PCDHGB4: variants seen among roughly 807,000 people sequenced by gnomAD.
PCDHGB4 encodes the protein protocadherin gamma subfamily B, 4.
In PCDHGB4, 38 loss-of-function variants were observed where a neutral mutation model predicts 60.5. The ratio of observed to expected loss-of-function variants is 0.63; its 90% CI spans 0.48 to 0.82. The LOEUF is 0.82. Among genes scored for constraint, PCDHGB4 ranks in the 40% least tolerant of loss-of-function variants. The probability of loss-of-function intolerance (pLI) is 0.00; values close to 1 mark genes in which losing one functional copy is unlikely to be tolerated. For synonymous variants in PCDHGB4, 456 were observed against 509.7 expected (o/e 0.89, Z 1.42); for missense variants, 1,109 against 1,209.6 (o/e 0.92, Z 1.23).
chr5:141,393,727 A>C, intron 1 of PCDHGB4: 1 of 1,613,852 alleles, frequency 6.2e-7, no homozygotes, highest in Non-Finnish European at 8.5e-7. Flanking sequence ...TCAATAGCAA[A>C]AAGTCTAGAT....
chr5:141,413,286 C>G, intron 1 of PCDHGB4: 1 of 1,613,968 alleles, frequency 6.2e-7, no homozygotes, highest in Non-Finnish European at 8.5e-7. Flanking sequence ...AGATCTCCTA[C>G]TCAATTCCTG....
At chr5:141,453,370 G>A (rs969698165) in intron 1 of PCDHGB4, among the ~76,000 whole-genome samples, 1 of 152,046 alleles carries the variant, frequency 6.6e-6, no homozygotes, top group Non-Finnish European at 1.5e-5. Context: ...CTGGGGTCAA[G>A]TGATCCTCCT....
At chr5:141,394,285 T>C (rs1463926417) in intron 1 of PCDHGB4, 2 of 1,613,942 alleles carry the variant, frequency 1.2e-6, no homozygotes, top group Admixed American at 1.7e-5. Context: ...ACTTACTCTG[T>C]GACCGAGGAC....
At chr5:141,418,935 A>T (rs1424307952) in intron 1 of PCDHGB4, 2 of 1,613,834 alleles carry the variant, frequency 1.2e-6, no homozygotes, top group Admixed American at 3.3e-5. Context: ...ATTATGGAGG[A>T]TTCCCCTCCA....
intron 1 of PCDHGB4, chr5:141,410,847 G>GTTTTTT (rs773839667): frequency 6.3e-5 from 10 of 158,328 alleles, no homozygotes; most frequent in Admixed American, 1.8e-4. Flanking sequence ...TTTTGTCTTT[G>GTTTTTT]TCTTTTTTTT....
intron 1 of PCDHGB4, among the ~76,000 whole-genome samples, chr5:141,449,869 T>G (rs1003364964): frequency 6.6e-6 from 1 of 151,924 alleles, no homozygotes; most frequent in African/African-American, 2.4e-5. Flanking sequence ...ATCAGAAAAT[T>G]TAACATCAAT....
Position 141,486,178 on chromosome 5 carries a change from C to T in PCDHGB4, c.2398-8629C>T, listed in dbSNP as rs767840363. The T allele has an allele frequency of 1.1e-5, 17 of 1,614,076 alleles. No homozygotes were observed. The highest frequency in any genetic ancestry group is 1.4e-5 in the Non-Finnish European group (16 of 1,180,038). ...CTCCAGCCATGGAGCAACATTGCAG[C>T]CTTCGAGTGGATCTGCTGGACGTAA... On this transcript the variant is annotated intron_variant, in intron 1 of 3. Coordinates refer to ENST00000519479, the MANE Select transcript of PCDHGB4 (RefSeq NM_003736.4). The surrounding 1 kb of genome is among the most constrained non-coding windows in gnomAD (Gnocchi z 5.0).
At chr5:141,434,536 T>C (rs1037347477) in intron 1 of PCDHGB4, among the ~76,000 whole-genome samples, 7 of 152,186 alleles carry the variant, frequency 4.6e-5, no homozygotes, top group Non-Finnish European at 8.8e-5. Context: ...CCACAAACAA[T>C]AGCATGAGTG....
chr5:141,476,553 A>G lies in PCDHGB4; in HGVS notation c.2398-18254A>G. On this transcript the variant is annotated intron_variant, in intron 1 of 3. Coordinates refer to ENST00000519479, the MANE Select transcript of PCDHGB4 (RefSeq NM_003736.4). The surrounding 1 kb of genome is among the most constrained non-coding windows in gnomAD (Gnocchi z 7.6). ...CAGGAAATGAAATTGGAGATTAGCG[A>G]GGCCGTGGCTCCGGGGACGCGCTTT... The G allele has an allele frequency of 1.2e-6, 2 of 1,614,226 alleles. No homozygotes were observed. The highest frequency in any genetic ancestry group is 1.7e-6 in the Non-Finnish European group (2 of 1,180,040).
chr5:141,389,767 G>C lies in PCDHGB4; in HGVS notation c.1883G>C (p.Arg628Pro). ...CGCACGGGCGAAGTGCGCACAGCGCGTGCCTTAGGCGACAGGGACGCCGTC... is the reference window on the plus strand; with the variant it reads ...CGCACGGGCGAAGTGCGCACAGCGCCTGCCTTAGGCGACAGGGACGCCGTC... Reference protein sequence around the residue: ...GLRTGEVRTARALGDRDAVRQ... With the variant: ...GLRTGEVRTAPALGDRDAVRQ... The change falls in exon 1 of 4, where the codon CGT (arginine) becomes CCT (proline). Residue 628 changes from arginine to proline, a missense_variant. This residue lies in a region of PCDHGB4 where 1,068 missense variants were observed against 1,089.9 expected (regional missense o/e 0.98). Transcript: ENST00000519479. 1.2e-6 allele frequency: 2 copies of C among 1,613,028 alleles called. No homozygotes were observed. Among genetic ancestry groups the C allele is most frequent in the Non-Finnish European group, 8.5e-7 (1 of 1,179,726 alleles).
In PCDHGB4 at chr5:141,432,171, T is replaced by C. The variant is rs114326665; in HGVS notation, c.2397+41890T>C. On this transcript the variant is annotated intron_variant, in intron 1 of 3. Coordinates refer to ENST00000519479, the MANE Select transcript of PCDHGB4 (RefSeq NM_003736.4). This position sits in a 1 kb window ranked among gnomAD's most constrained non-coding sequence, Gnocchi z 6.0. ...GAGAACAATCCCAGAGGAGTTTCCC[T>C]CGTCTCTGTGACCGCCCACGACCCC... The C allele has an allele frequency of 4.4e-5, 71 of 1,614,046 alleles. No individual in the cohort carries two copies. In the African/African-American group the frequency reaches 8.5e-4, roughly 19 times the overall value.
Position 141,493,404 on chromosome 5 carries a change from C to T in PCDHGB4, c.2398-1403C>T, listed in dbSNP as rs2099748048. Among the ~76,000 whole-genome samples, 1 of 152,148 alleles carries T rather than the reference C, an allele frequency of 6.6e-6. No individual in the cohort carries two copies. Among genetic ancestry groups the T allele is most frequent in the South Asian group, 2.1e-4 (1 of 4,826 alleles). ...CTTGAGGACAGGAGAGGGGAGTTGC[C>T]TCTGCTGGGATTTTGCTTCTGCTGG... On this transcript the variant is annotated intron_variant, in intron 1 of 3. Transcript: ENST00000519479. The surrounding 1 kb of genome is among the most constrained non-coding windows in gnomAD (Gnocchi z 4.3).
At chr5:141,510,322 A>G (rs62379243) in intron 3 of PCDHGB4, among the ~76,000 whole-genome samples, 36,300 of 150,290 alleles carry the variant, frequency 0.24, 4,456 homozygotes, top group Admixed American at 0.32. Flanking sequence ...TTGGAAGAGC[A>G]CTCTTCACCC....
chr5:141,394,189 C>G lies in PCDHGB4; in HGVS notation c.2397+3908C>G, dbSNP rs543330174. The stretch of plus-strand genomic sequence containing the variant: ...ACTTTCCCTCATGCCTCCTACTCAG[C>G]GTATATCCTAGAGAACAACCTGAGA... On this transcript the variant is annotated intron_variant, in intron 1 of 3. Coordinates refer to ENST00000519479, the MANE Select transcript of PCDHGB4 (RefSeq NM_003736.4). 4 of 1,613,892 alleles carry G rather than the reference C, an allele frequency of 2.5e-6. No homozygotes were observed. The East Asian group carries it at 6.7e-5, about 27-fold the overall frequency.
At chr5:141,445,895 A>C (rs930350527) in intron 1 of PCDHGB4, among the ~76,000 whole-genome samples, 1 of 152,212 alleles carries the variant, frequency 6.6e-6, no homozygotes, top group Admixed American at 6.5e-5. Context: ...GGAGCTATTA[A>C]AATATTTTAA....
At chr5:141,472,332 G>A (rs566731120) in intron 1 of PCDHGB4, among the ~76,000 whole-genome samples, 1 of 152,116 alleles carries the variant, frequency 6.6e-6, no homozygotes, top group East Asian at 1.9e-4. Flanking sequence ...ACGAGGTTGG[G>A]AGATCGAGAC....
intron 1 of PCDHGB4, chr5:141,418,595 G>T (rs1331897624): frequency 5.6e-6 from 9 of 1,613,928 alleles, no homozygotes; most frequent in Non-Finnish European, 7.6e-6. Flanking sequence ...CAGCCAGGAC[G>T]TGTACAGGGT....
chr5:141,505,621 A>G (rs1170133157), intron 3 of PCDHGB4, 140 bp downstream of exon 3: 5 of 1,495,758 alleles, frequency 3.3e-6, no homozygotes, highest in South Asian at 2.6e-5. Context: ...AGGACCCACA[A>G]TTCCAAACAT....
chr5:141,398,704 G>A (rs1044524998), intron 1 of PCDHGB4: 9 of 1,613,808 alleles, frequency 5.6e-6, no homozygotes, highest in Non-Finnish European at 7.6e-6. Flanking sequence ...TAAATACCCG[G>A]AACTGGCACT....
Sources: allele counts gnomAD v4.1 joint callset (sites outside exome capture counted in the v4.1 genomes callset), GRCh38; gene constraint gnomAD v4.1.1; regional missense constraint gnomAD v4.1.1; non-coding constraint Gnocchi (gnomAD v3.1); transcripts MANE v1.5; gene names NCBI Gene and HGNC (gene_info 2026-07-23, HGNC 2026-07-21).